Variants in DAB1 observed in about 807,000 individuals in gnomAD.
DAB1 encodes DAB adaptor protein 1.
Under a neutral mutation model 64.6 loss-of-function variants are expected in DAB1, and 15 were observed. The observed-to-expected ratio is 0.23, with a 90% CI of 0.16 to 0.36. The LOEUF (loss-of-function observed/expected upper bound fraction) is 0.36, where lower values mean the gene tolerates loss of function less well. Among genes scored for constraint, DAB1 ranks in the 10% least tolerant of loss-of-function variants. The pLI is 1.00. For synonymous variants in DAB1, 235 were observed against 251.9 expected, an observed-to-expected ratio of 0.93 and a Z score of 0.64; for missense variants, 596 against 706.7, an observed-to-expected ratio of 0.84 and a Z score of 1.78.
intron 7 of DAB1, among the ~76,000 whole-genome samples, chr1:57,454,914 T>G (rs1418946468): frequency 6.6e-6 from 1 of 151,950 alleles, no homozygotes; most frequent in Non-Finnish European, 1.5e-5. Context: ...GAAGGGAGAA[T>G]GTAATAAAAT....
chr1:58,505,154 G>A (rs549187706), intron 3 of DAB1, among the ~76,000 whole-genome samples: 6 of 152,206 alleles, frequency 3.9e-5, no homozygotes, highest in East Asian at 1.9e-4. Flanking sequence ...GTTTCACCCC[G>A]TTGGCCAGGC....
intron 1 of DAB1, among the ~76,000 whole-genome samples, chr1:57,827,240 T>G (rs1420992222): frequency 6.6e-6 from 1 of 152,098 alleles, no homozygotes; most frequent in East Asian, 1.9e-4. Flanking sequence ...CAAACACATA[T>G]CAAAATGAAG....
At chr1:57,614,416 T>C (rs1479476185) in intron 7 of DAB1, among the ~76,000 whole-genome samples, 1 of 152,220 alleles carries the variant, frequency 6.6e-6, no homozygotes, top group Non-Finnish European at 1.5e-5. Context: ...GAAAGTGTCA[T>C]ACTGTCTTAA....
In DAB1 at chr1:57,283,176, T is replaced by C. The variant is rs193247305; in HGVS notation, c.67+7788A>G. 3.4e-3 allele frequency among the ~76,000 whole-genome samples: 516 copies of C among 152,352 alleles called. 9 individuals carry two copies. The highest frequency in any genetic ancestry group is 2.6e-3 in the Non-Finnish European group (175 of 68,038). Reference sequence around the variant, plus strand: ...TTAGGCTTATTAGGGAAAATTTGTCTAAAATGGCTCATATGCAGGAAGCAT... The same window carrying C: ...TTAGGCTTATTAGGGAAAATTTGTCCAAAATGGCTCATATGCAGGAAGCAT... On this transcript the variant is annotated intron_variant, in intron 2 of 14. Coordinates refer to ENST00000371236, the MANE Select transcript of DAB1 (RefSeq NM_001365792.1).
intron 4 of DAB1, among the ~76,000 whole-genome samples, chr1:57,105,191 C>G (rs1458242693): frequency 6.6e-6 from 1 of 151,920 alleles, no homozygotes; most frequent in Non-Finnish European, 1.5e-5. Context: ...AATTCTTTTC[C>G]TTCCATCTAG....
At chr1:57,913,208 T>A (rs1202806) in intron 5 of DAB1, among the ~76,000 whole-genome samples, 96,743 of 151,494 alleles carry the variant, frequency 0.64, 31,251 homozygotes, top group African/African-American at 0.74. Context: ...ACAAGGCTAC[T>A]GTAACCAAAA....
chr1:57,535,846 C>A (rs1487421074), intron 7 of DAB1, among the ~76,000 whole-genome samples: 1 of 152,104 alleles, frequency 6.6e-6, no homozygotes, highest in Non-Finnish European at 1.5e-5. Flanking sequence ...TGCAGTGGAG[C>A]CCTTTTATTA....
chr1:57,950,580 C>A (rs1645257722), intron 5 of DAB1, among the ~76,000 whole-genome samples: 2 of 152,104 alleles, frequency 1.3e-5, no homozygotes, highest in South Asian at 4.1e-4. Flanking sequence ...TTGAAATTGA[C>A]ATGATAAATT....
chr1:57,846,455 C>CAA (rs71051260), intron 1 of DAB1, among the ~76,000 whole-genome samples: 96 of 113,678 alleles, frequency 8.4e-4, no homozygotes, highest in African/African-American at 3.1e-3. Context: ...AAGACTCCAT[C>CAA]AAAAAAAAAA....
chr1:57,653,804 G>A (rs1646284193), intron 6 of DAB1, among the ~76,000 whole-genome samples: 1 of 152,000 alleles, frequency 6.6e-6, no homozygotes, highest in Non-Finnish European at 1.5e-5. Context: ...GTAGAGACGG[G>A]GTTCGCCATG....
rs548116503 is a variant in DAB1, at chr1:58,380,253, G to C, written n.258-36850C>G. On this transcript the variant is annotated intron_variant and non_coding_transcript_variant, in intron 3 of 20. Coordinates refer to the DAB1 transcript ENST00000485760. ...GGGCAATTTCCCCCATGCTGTTCTC[G>C]TAATAGTGAGCTCTCATAAGATCAG... 3.3e-5 allele frequency among the ~76,000 whole-genome samples: 5 copies of C among 152,276 alleles called. No homozygotes were observed. In the South Asian group the frequency reaches 6.2e-4, roughly 19 times the overall value.
At chr1:57,802,280 A>G (rs1651165013) in intron 6 of DAB1, among the ~76,000 whole-genome samples, 1 of 152,202 alleles carries the variant, frequency 6.6e-6, no homozygotes. Context: ...AGACCAATAT[A>G]GTGATATCTC....
At chr1:57,114,045 C>A (rs1447710244) in intron 4 of DAB1, among the ~76,000 whole-genome samples, 1 of 152,122 alleles carries the variant, frequency 6.6e-6, no homozygotes, top group Non-Finnish European at 1.5e-5. Flanking sequence ...TGGAAACTGA[C>A]CTGGTCTCCC....
At chr1:57,472,672 T>C (rs946453417) in intron 7 of DAB1, among the ~76,000 whole-genome samples, 2 of 151,888 alleles carry the variant, frequency 1.3e-5, no homozygotes, top group Non-Finnish European at 2.9e-5. Context: ...CCCCTTAGAG[T>C]TGTGAGCCCT....
chr1:57,011,815 A>G (rs1459226672), intron 12 of DAB1, among the ~76,000 whole-genome samples: 1 of 152,218 alleles, frequency 6.6e-6, no homozygotes, highest in East Asian at 1.9e-4. Context: ...TTTGACAGGT[A>G]AGGAAAGTGA....
At chr1:58,348,278 C>CA (rs1422026916) in intron 3 of DAB1, among the ~76,000 whole-genome samples, 1 of 151,938 alleles carries the variant, frequency 6.6e-6, no homozygotes, top group African/African-American at 2.4e-5. Context: ...ACTCAAGATT[C>CA]AAAAAAATGA....
At chr1:58,491,199 C>T (rs947440289) in intron 3 of DAB1, among the ~76,000 whole-genome samples, 3 of 152,084 alleles carry the variant, frequency 2.0e-5, no homozygotes, top group African/African-American at 7.2e-5. Context: ...AAATACTTTA[C>T]AGACAAGCAA....
chr1:58,254,368 A>C (rs1356460895), intron 4 of DAB1, among the ~76,000 whole-genome samples: 1 of 147,322 alleles, frequency 6.8e-6, no homozygotes, highest in Admixed American at 6.8e-5. Context: ...AGCTTAAGGC[A>C]AAGGGAATTT....
chr1:57,520,381 C>T (rs1644511166), intron 7 of DAB1, among the ~76,000 whole-genome samples: 1 of 152,068 alleles, frequency 6.6e-6, no homozygotes, highest in African/African-American at 2.4e-5. Context: ...AAATTAAATT[C>T]CTTGACCTGA....
Sources: gnomAD v4.1 joint callset for allele counts (sites outside exome capture counted in the v4.1 genomes callset) on GRCh38, gnomAD v4.1.1 for gene constraint, MANE v1.5 for transcripts, NCBI Gene and HGNC (gene_info 2026-07-23, HGNC 2026-07-21) for gene names.